The following SLC25A13 variants were observed in gnomAD, a reference collection of about 807,000 sequenced individuals.
The protein encoded by SLC25A13 is electrogenic aspartate/glutamate antiporter SLC25A13, mitochondrial.
In SLC25A13, 70 loss-of-function variants were observed where a neutral mutation model predicts 85.5. The observed-to-expected ratio is 0.82, with a 90% CI of 0.68 to 1.00. The LOEUF (loss-of-function observed/expected upper bound fraction) is 1.00, where lower values mean the gene tolerates loss of function less well. Ranked by LOEUF, SLC25A13 falls within the 50% of genes least tolerant of loss-of-function variation. The pLI, the probability that SLC25A13 is intolerant of heterozygous loss-of-function variation, is 0.00. For missense variants in SLC25A13, 765 were observed against 819.8 expected, an observed-to-expected ratio of 0.93 and a Z score of 0.82; for synonymous variants, 259 against 288.7, an observed-to-expected ratio of 0.90 and a Z score of 1.04.
intron 4 of SLC25A13, among the ~76,000 whole-genome samples, chr7:96,228,974 G>A (rs868115132): frequency 7.9e-5 from 12 of 152,148 alleles, no homozygotes; most frequent in Non-Finnish European, 1.3e-4. Context: ...GCTGGAGCCC[G>A]CCATGCCCAA....
intron 14 of SLC25A13, among the ~76,000 whole-genome samples, chr7:96,138,696 T>C (rs1444797436): frequency 6.6e-6 from 1 of 152,196 alleles, no homozygotes; most frequent in Non-Finnish European, 1.5e-5. Context: ...AGATCATTTT[T>C]AAGGCAATGA....
At chr7:96,321,624 C>T (rs909570553) in intron 1 of SLC25A13, among the ~76,000 whole-genome samples, 1 of 152,148 alleles carries the variant, frequency 6.6e-6, no homozygotes, top group Admixed American at 6.5e-5. Flanking sequence ...CAGGGTGCAC[C>T]AGGCCCCAGT....
At chr7:96,180,174 GT>G (rs201415731) in intron 11 of SLC25A13, among the ~76,000 whole-genome samples, 29 of 147,992 alleles carry the variant, frequency 2.0e-4, no homozygotes, top group African/African-American at 4.5e-4. Context: ...AAAAAATGTG[GT>G]TTTTTTTTTG....
Position 96,218,621 on chromosome 7 carries a change from C to T in SLC25A13, c.329-9644G>A, listed in dbSNP as rs1335175106. On this transcript the variant is annotated intron_variant, in intron 4 of 17. Coordinates refer to ENST00000265631, the MANE Select transcript of SLC25A13 (RefSeq NM_014251.3). The stretch of plus-strand genomic sequence containing the variant: ...AGATTCACTTTTTGAAGCAGCATAT[C>T]TATGAAAAAGAGTTTCTCATTAAAA... Among the ~76,000 whole-genome samples the T allele has an allele frequency of 5.3e-5, 8 of 152,228 alleles. No individual in the cohort carries two copies. In the East Asian group the frequency reaches 1.5e-3, roughly 29 times the overall value.
intron 3 of SLC25A13, among the ~76,000 whole-genome samples, chr7:96,261,890 A>C (rs1422277866): frequency 1.3e-5 from 2 of 152,158 alleles, no homozygotes; most frequent in African/African-American, 4.8e-5. Context: ...AGAGACGGGG[A>C]AGAGGACCAA....
At chr7:96,235,055 A>C in intron 3 of SLC25A13, 138 bp from the exon 4 acceptor site, 2 of 637,730 alleles carry the variant, frequency 3.1e-6, no homozygotes, top group Non-Finnish European at 2.8e-6. Context: ...ATAAACATTT[A>C]GCATTTACTT....
chr7:96,224,207 T>C (rs1158469118), intron 4 of SLC25A13, among the ~76,000 whole-genome samples: 1 of 152,190 alleles, frequency 6.6e-6, no homozygotes, highest in Non-Finnish European at 1.5e-5. Context: ...ACATAGATAC[T>C]GTGAAGCCTA....
chr7:96,127,289 C>T (rs1289728541), intron 15 of SLC25A13, among the ~76,000 whole-genome samples: 2 of 152,136 alleles, frequency 1.3e-5, no homozygotes, highest in East Asian at 1.9e-4. Context: ...TTCAGGACCC[C>T]CGCTTCGGTC....
intron 4 of SLC25A13, among the ~76,000 whole-genome samples, chr7:96,211,107 T>A (rs532833753): frequency 1.6e-4 from 24 of 152,196 alleles, no homozygotes; most frequent in Non-Finnish European, 2.8e-4. Context: ...AAAGTAGGTT[T>A]AAGTTTTTCT....
intron 2 of SLC25A13, among the ~76,000 whole-genome samples, chr7:96,293,095 G>A (rs545214384): frequency 6.6e-6 from 1 of 152,222 alleles, no homozygotes; most frequent in South Asian, 2.1e-4. Flanking sequence ...TAGACCAATG[G>A]AACAGAACAG....
At chr7:96,271,429 G>C (rs1798234709) in intron 3 of SLC25A13, among the ~76,000 whole-genome samples, 1 of 152,106 alleles carries the variant, frequency 6.6e-6, no homozygotes, top group African/African-American at 2.4e-5. Context: ...AAAGGATTAA[G>C]GCCATCTAAC....
chr7:96,207,589 A>G (rs544022548), intron 5 of SLC25A13, among the ~76,000 whole-genome samples: 2 of 152,362 alleles, frequency 1.3e-5, no homozygotes, highest in African/African-American at 4.8e-5. Flanking sequence ...TTAATAAAGT[A>G]TAAATAAAAT....
intron 3 of SLC25A13, among the ~76,000 whole-genome samples, chr7:96,245,661 A>G (rs185693338): frequency 3.3e-5 from 5 of 152,274 alleles, no homozygotes; most frequent in Non-Finnish European, 5.9e-5. Flanking sequence ...CATCATGGAT[A>G]TTTTGAGATC....
chr7:96,157,970 A>C (rs1335126755), intron 13 of SLC25A13, among the ~76,000 whole-genome samples: 2 of 152,228 alleles, frequency 1.3e-5, no homozygotes, highest in African/African-American at 4.8e-5. Flanking sequence ...AGTTGTGGAC[A>C]AGTAGGTTTA....
intron 2 of SLC25A13, among the ~76,000 whole-genome samples, chr7:96,290,656 C>A (rs1799084125): frequency 6.7e-6 from 1 of 149,984 alleles, no homozygotes; most frequent in Non-Finnish European, 1.5e-5. Context: ...AGACTTTAAA[C>A]CAACAAAGAT....
chr7:96,189,470 A>G (rs1277302543), intron 8 of SLC25A13, 92 bp from the exon 9 acceptor site: 4 of 1,527,394 alleles, frequency 2.6e-6, no homozygotes, highest in South Asian at 1.1e-5. Flanking sequence ...TTCATTTCTC[A>G]TATTTCAGTA....
chr7:96,179,223 G>A (rs771277991), intron 11 of SLC25A13, among the ~76,000 whole-genome samples: 3 of 152,180 alleles, frequency 2.0e-5, no homozygotes, highest in South Asian at 2.1e-4. Flanking sequence ...ACATGAGAAC[G>A]TTCAGGATCC....
At chr7:96,297,770 C>T (rs1289712263) in intron 1 of SLC25A13, among the ~76,000 whole-genome samples, 3 of 152,192 alleles carry the variant, frequency 2.0e-5, no homozygotes, top group South Asian at 2.1e-4. Flanking sequence ...CTCCTCCTCT[C>T]CTCAGTTTTT....
rs577132587 is a variant in SLC25A13, at chr7:96,161,622, G to A, written c.1311+8423C>T. Among the ~76,000 whole-genome samples the A allele has an allele frequency of 3.3e-5, 5 of 152,272 alleles. No homozygotes were observed. The East Asian group carries it at 7.7e-4, about 24-fold the overall frequency. On this transcript the variant is annotated intron_variant, in intron 13 of 17. Transcript: ENST00000265631. ...GCCATTTACTCAAGGTCTGTGAGAT[G>A]CAATTAGTTGTCAGCACAAAGTTAT...
Sources: allele counts gnomAD v4.1 joint callset (sites outside exome capture counted in the v4.1 genomes callset), GRCh38; gene constraint gnomAD v4.1.1; transcripts MANE v1.5; gene names NCBI Gene and HGNC (gene_info 2026-07-23, HGNC 2026-07-21).